Variants in TENM2 observed in about 807,000 individuals in gnomAD.
TENM2 encodes the protein teneurin transmembrane protein 2, also known as teneurin-2.
In TENM2, 52 loss-of-function variants were observed where a neutral mutation model predicts 245.2. The ratio of observed to expected loss-of-function variants is 0.21; its 90% confidence interval spans 0.17 to 0.27. The LOEUF (loss-of-function observed/expected upper bound fraction) is 0.27, where lower values mean the gene tolerates loss of function less well. TENM2 is among the 10% of genes least tolerant of loss of function. TENM2 has a pLI of 1.00. For synonymous variants in TENM2, 1,363 were observed against 1,438.9 expected (o/e 0.95, Z 1.19); for missense variants, 3,046 against 3,666.8 (o/e 0.83, Z 4.37).
chr5:167,761,903 C>T (rs1266334396), intron 2 of TENM2, among the ~76,000 whole-genome samples: 2 of 152,194 alleles, frequency 1.3e-5, no homozygotes, highest in Non-Finnish European at 2.9e-5. Flanking sequence ...AGGGCCACTT[C>T]CAGCAATATC....
chr5:167,436,953 C>T (rs577725593), intron 2 of TENM2, among the ~76,000 whole-genome samples: 22 of 152,292 alleles, frequency 1.4e-4, no homozygotes, highest in Non-Finnish European at 2.9e-4. Flanking sequence ...CAGGGGCGAG[C>T]CCTCACGGAG....
At chr5:167,127,627 TTAA>T in the TENM2 span, among the ~76,000 whole-genome samples, 1,502 of 147,478 alleles carry the variant, frequency 0.01, 23 homozygotes, top group African/African-American at 0.036. Flanking sequence ...TTTTTTTTTT[TTAA>T]AAAAAAAAAA....
At chr5:167,456,200 C>G (rs960396977) in intron 2 of TENM2, among the ~76,000 whole-genome samples, 4 of 152,112 alleles carry the variant, frequency 2.6e-5, no homozygotes, top group Non-Finnish European at 4.4e-5. Flanking sequence ...AGAGATGACC[C>G]ACTGTGTCCA....
chr5:167,766,765 G>A (rs531552816), intron 2 of TENM2, among the ~76,000 whole-genome samples: 22 of 152,232 alleles, frequency 1.4e-4, no homozygotes, highest in Middle Eastern at 3.4e-3. Context: ...TGTAATTCCA[G>A]CTACTCGGGA....
intron 2 of TENM2, among the ~76,000 whole-genome samples, chr5:167,641,380 C>T (rs1281119525): frequency 6.6e-6 from 1 of 151,918 alleles, no homozygotes; most frequent in Non-Finnish European, 1.5e-5. Context: ...AGAAGGAGGT[C>T]ATTATAATTA....
intron 2 of TENM2, among the ~76,000 whole-genome samples, chr5:167,619,035 A>C (rs559019712): frequency 6.6e-6 from 1 of 151,964 alleles, no homozygotes; most frequent in African/African-American, 2.4e-5. Context: ...TTCTAGGAGC[A>C]CTCACTACTC....
At chr5:167,729,297 T>A (rs2287764) in intron 2 of TENM2, among the ~76,000 whole-genome samples, 2,867 of 152,336 alleles carry the variant, frequency 0.019, 54 homozygotes, top group East Asian at 0.071. Flanking sequence ...AAAGAGCTAT[T>A]ATTATTAAGT....
intron 3 of TENM2, among the ~76,000 whole-genome samples, chr5:167,916,015 T>A (rs909512646): frequency 6.6e-6 from 1 of 152,220 alleles, no homozygotes; most frequent in African/African-American, 2.4e-5. Flanking sequence ...ATGAGGATTT[T>A]AAAAAGGGCC....
chr5:167,554,914 C>CAT (rs1176036913), intron 2 of TENM2, among the ~76,000 whole-genome samples: 1 of 152,192 alleles, frequency 6.6e-6, no homozygotes, highest in African/African-American at 2.4e-5. Flanking sequence ...TCAGAGTAGA[C>CAT]AGATGCTTGG....
chr5:167,588,133 T>C (rs147569176), intron 2 of TENM2, among the ~76,000 whole-genome samples: 2 of 152,348 alleles, frequency 1.3e-5, no homozygotes, highest in African/African-American at 2.4e-5. Flanking sequence ...AGTTTCCATA[T>C]GTTTCATCAT....
intron 13 of TENM2, among the ~76,000 whole-genome samples, chr5:168,184,106 C>T (rs1274403915): frequency 6.6e-6 from 1 of 152,210 alleles, no homozygotes; most frequent in Non-Finnish European, 1.5e-5. Context: ...CAACTTCTAA[C>T]TTTCTATCAT....
At chr5:167,991,049 G>A (rs1783627806) in intron 4 of TENM2, among the ~76,000 whole-genome samples, 1 of 152,152 alleles carries the variant, frequency 6.6e-6, no homozygotes, top group African/African-American at 2.4e-5. Flanking sequence ...TGACCCGCTT[G>A]CCAACTCCCA....
At chr5:167,959,343 C>T (rs550944635) in intron 4 of TENM2, among the ~76,000 whole-genome samples, 1 of 152,230 alleles carries the variant, frequency 6.6e-6, no homozygotes, top group South Asian at 2.1e-4. Context: ...TACAGGCGCA[C>T]ACCACCACAC....
intron 2 of TENM2, among the ~76,000 whole-genome samples, chr5:167,853,970 T>C (rs1038350209): frequency 1.3e-5 from 2 of 152,246 alleles, no homozygotes; most frequent in African/African-American, 4.8e-5. Flanking sequence ...AATCTACATT[T>C]CTACTTATTC....
At chr5:167,279,562 C>A in the TENM2 span, among the ~76,000 whole-genome samples, 2 of 119,700 alleles carry the variant, frequency 1.7e-5, no homozygotes, top group Admixed American at 9.5e-5. Flanking sequence ...TCCTTCCTTC[C>A]TTCCTTCTTT....
At chr5:168,029,369 C>T (rs1786906411) in intron 5 of TENM2, among the ~76,000 whole-genome samples, 2 of 152,186 alleles carry the variant, frequency 1.3e-5, no homozygotes, top group Admixed American at 1.3e-4. Context: ...TTCCTCTCTC[C>T]TGCTTAAGGT....
chr5:167,917,199 A>G (rs758494196), intron 3 of TENM2, among the ~76,000 whole-genome samples: 1 of 152,204 alleles, frequency 6.6e-6, no homozygotes, highest in African/African-American at 2.4e-5. Context: ...ACTGAGGTAC[A>G]CTAAGAGACT....
In TENM2 at chr5:167,894,934, G is replaced by C. The variant is rs561946742; in HGVS notation, c.712+18739G>C. ...CTCACCCTGGAAAGAAGGAAGGAAG[G>C]AAGGAAGGAAGGAAGGAAGGAAGGA... On this transcript the variant is annotated intron_variant, in intron 3 of 28. Transcript: ENST00000518659. Among the ~76,000 whole-genome samples the C allele has an allele frequency of 1.2e-4, 6 of 51,892 alleles. No individual in the cohort carries two copies. In the South Asian group the frequency reaches 4.8e-3, roughly 42 times the overall value. 34.0% of individuals were successfully genotyped at this position (51,892 alleles called of 152,430 possible). A position where few individuals can be genotyped will look rare whatever the true frequency, so the allele number is the denominator to read the frequency against.
chr5:167,595,535 C>G (rs942446277), intron 2 of TENM2, among the ~76,000 whole-genome samples: 1 of 152,230 alleles, frequency 6.6e-6, no homozygotes, highest in Non-Finnish European at 1.5e-5. Flanking sequence ...AATCCAATTA[C>G]TTTCTCAAAA....
Sources: gnomAD v4.1 joint callset for allele counts (sites outside exome capture counted in the v4.1 genomes callset) on GRCh38, gnomAD v4.1.1 for gene constraint, MANE v1.5 for transcripts, NCBI Gene and HGNC (gene_info 2026-07-23, HGNC 2026-07-21) for gene names.